The following CCZ1 variants were observed in gnomAD, a reference collection of about 807,000 sequenced individuals.
CCZ1 encodes the protein CCZ1 vacuolar protein trafficking and biogenesis associated, also known as vacuolar fusion protein CCZ1 homolog.
A neutral mutation model predicts 57.8 loss-of-function variants in CCZ1; 19 were observed. The ratio of observed to expected loss-of-function variants is 0.33; its 90% CI spans 0.23 to 0.48. The LOEUF is 0.48. Ranked by LOEUF, CCZ1 falls within the 20% of genes least tolerant of loss-of-function variation. The pLI, the probability that CCZ1 is intolerant of heterozygous loss-of-function variation, is 0.99. For missense variants in CCZ1, 200 were observed against 492.0 expected, an observed-to-expected ratio of 0.41 and a Z score of 5.61; for synonymous variants, 81 against 167.0, an observed-to-expected ratio of 0.49 and a Z score of 3.97.
chr7:5,911,765 G>A, intron 8 of CCZ1, 96 bp from the exon 9 acceptor site: 8 of 971,524 alleles, frequency 8.2e-6, no homozygotes, highest in Non-Finnish European at 1.2e-5. Flanking sequence ...AAAGACAAAT[G>A]GCATGGAACC....
intron 8 of CCZ1, 69 bp downstream of exon 8, chr7:5,910,185 G>C: frequency 1.5e-6 from 2 of 1,322,100 alleles, no homozygotes; most frequent in Non-Finnish European, 2.2e-6. Context: ...GAGTGAGATG[G>C]TGGTGCATGG....
intron 12 of CCZ1, among the ~76,000 whole-genome samples, chr7:5,922,829 G>A (rs1274066367): frequency 3.4e-5 from 5 of 148,270 alleles, no homozygotes; most frequent in African/African-American, 1.3e-4. Context: ...CACTGTGGGA[G>A]GAACGAGGTG....
At chr7:5,911,592 G>T (rs1252495553) in intron 8 of CCZ1, among the ~76,000 whole-genome samples, 1 of 148,990 alleles carries the variant, frequency 6.7e-6, no homozygotes, top group Non-Finnish European at 1.5e-5. Flanking sequence ...ACCTCACCTG[G>T]CCAAAAATTT....
intron 12 of CCZ1, among the ~76,000 whole-genome samples, chr7:5,921,206 G>A (rs1248901103): frequency 7.5e-6 from 1 of 133,202 alleles, no homozygotes; most frequent in African/African-American, 2.8e-5. Context: ...TGGGATGACA[G>A]GCGTGAGCCA....
intron 12 of CCZ1, among the ~76,000 whole-genome samples, chr7:5,921,901 G>A (rs1213787755): frequency 1.3e-5 from 2 of 151,632 alleles, no homozygotes; most frequent in South Asian, 2.1e-4. Context: ...CGCCCAGGCT[G>A]GAGTGCAGTG....
At chr7:5,899,332 GGGGTGTGTGT>G (rs745496307) in intron 1 of CCZ1, among the ~76,000 whole-genome samples, 29,695 of 128,164 alleles carry the variant, frequency 0.23, 2,860 homozygotes, top group African/African-American at 0.27. Flanking sequence ...TTTCGGGAGG[GGGGTGTGTGT>G]GTGTGTGTGT....
rs2128613017 is a variant in CCZ1 at position 5,912,058 on chromosome 7, G to C, written c.842+136G>C. On this transcript the variant is annotated intron_variant, in intron 9 of 14. Coordinates refer to ENST00000325974, the MANE Select transcript of CCZ1 (RefSeq NM_015622.6). ...AACCTCCGCCTCCCCGGGCTCAAGT[G>C]ACTGTCATGCCTCAGCCTCCCAAGT... The C allele has an allele frequency of 1.9e-6, 3 of 1,567,204 alleles. No homozygotes were observed. The East Asian group carries it at 6.9e-5, about 36-fold the overall frequency.
chr7:5,901,555 C>A lies in CCZ1; in HGVS notation c.391-102C>A, dbSNP rs570542223. 6.3e-5 allele frequency: 92 copies of A among 1,457,038 alleles called. 20 individuals are homozygous for A. In the East Asian group the frequency reaches 2.4e-3, roughly 39 times the overall value. 90.3% of individuals were successfully genotyped at this position (1,457,038 alleles called of 1,614,324 possible). ...ACTATTGTGGGACAAAGTTTATAAA[C>A]ATTATACTGTTTGGCCAAGAGTTAG... On this transcript the variant is annotated intron_variant, in intron 4 of 14. Coordinates refer to ENST00000325974, the MANE Select transcript of CCZ1 (RefSeq NM_015622.6).
At chr7:5,899,873 G>C (rs888909867) in intron 1 of CCZ1, among the ~76,000 whole-genome samples, 1 of 149,976 alleles carries the variant, frequency 6.7e-6, no homozygotes, top group African/African-American at 2.5e-5. Flanking sequence ...TTTCTTACAA[G>C]CATTGGTGTA....
intron 8 of CCZ1, among the ~76,000 whole-genome samples, chr7:5,910,572 C>T (rs1781946220): frequency 6.9e-6 from 1 of 144,810 alleles, no homozygotes; most frequent in Non-Finnish European, 1.5e-5. Flanking sequence ...GTGATCTGCC[C>T]ACCTTGGCCT....
At chr7:5,899,121 C>G (rs1217457771) in intron 1 of CCZ1, among the ~76,000 whole-genome samples, 1 of 82,590 alleles carries the variant, frequency 1.2e-5, no homozygotes, top group Non-Finnish European at 2.5e-5. Context: ...CCCGTCGGGT[C>G]TATATCACTC....
chr7:5,916,574 TCTC>T (rs1410349219), intron 10 of CCZ1, among the ~76,000 whole-genome samples: 2 of 143,858 alleles, frequency 1.4e-5, no homozygotes, highest in African/African-American at 5.6e-5. Flanking sequence ...CCGGCTGTCC[TCTC>T]CCGTTGGGGT....
At chr7:5,907,658 T>C (rs1781865291) in intron 7 of CCZ1, among the ~76,000 whole-genome samples, 1 of 146,012 alleles carries the variant, frequency 6.8e-6, no homozygotes, top group Non-Finnish European at 1.5e-5. Flanking sequence ...CGCCCAGCTC[T>C]GGGGATCCTG....
intron 12 of CCZ1, among the ~76,000 whole-genome samples, chr7:5,921,189 A>C (rs1779235520): frequency 7.5e-6 from 1 of 132,774 alleles, no homozygotes; most frequent in Non-Finnish European, 1.7e-5. Context: ...TCGGCCTCCC[A>C]AAGTGCTGGG....
At chr7:5,922,234 C>CCAAA (rs1194938808) in intron 12 of CCZ1, among the ~76,000 whole-genome samples, 1 of 115,046 alleles carries the variant, frequency 8.7e-6, no homozygotes, top group African/African-American at 3.3e-5. Context: ...ACAACTCTTT[C>CCAAA]CAAACAGTTT....
chr7:5,900,819 A>G lies in CCZ1; in HGVS notation c.313-36A>G, dbSNP rs371704433. 7.4e-5 allele frequency: 103 copies of G among 1,396,060 alleles called. 4 individuals carry two copies. In the African/African-American group the frequency reaches 1.5e-3, roughly 20 times the overall value. The allele number at this position is 1,396,060 out of a possible 1,614,324, so 86.5% of individuals were successfully genotyped here. A position where few individuals can be genotyped will look rare whatever the true frequency, so the allele number is the denominator to read the frequency against. On this transcript the variant is annotated intron_variant, in intron 3 of 14. Coordinates refer to ENST00000325974, the MANE Select transcript of CCZ1 (RefSeq NM_015622.6). ...AGGCAAAATAAACATGGTCTAATGA[A>G]TTCATTGTATAATTTCAGTTTATCA...
Position 5,906,319 on chromosome 7 carries a change from CTTTCTTTT to C in CCZ1, c.698+1054_698+1061del, listed in dbSNP as rs771131661. 6.0e-3 allele frequency among the ~76,000 whole-genome samples: 673 copies of C among 111,488 alleles called. 25 individuals are homozygous for C. The highest frequency in any genetic ancestry group is 0.027 in the Middle Eastern group (6 of 224). 73.1% of individuals were successfully genotyped at this position (111,488 alleles called of 152,430 possible). A position where few individuals can be genotyped will look rare whatever the true frequency, so the allele number is the denominator to read the frequency against. On this transcript the variant is annotated intron_variant, in intron 7 of 14. Coordinates refer to ENST00000325974, the MANE Select transcript of CCZ1 (RefSeq NM_015622.6). ...CCGTTGACTAGAGCCCACTTTCTTT[CTTTCTTTT>C]TTTTTTTTTTTTTTGAGACGGAGTC...
chr7:5,911,303 T>C (rs4724754), intron 8 of CCZ1, among the ~76,000 whole-genome samples: 80,184 of 147,606 alleles, frequency 0.54, 22,741 homozygotes, highest in East Asian at 0.82. Context: ...CTCTCTTCGC[T>C]TGTTCGTTCC....
chr7:5,899,329 AGGG>A (rs879316596), intron 1 of CCZ1, among the ~76,000 whole-genome samples: 1 of 62,894 alleles, frequency 1.6e-5, no homozygotes, highest in Non-Finnish European at 3.5e-5. Context: ...TAATTTCGGG[AGGG>A]GGGTGTGTGT....
Sources: allele counts gnomAD v4.1 joint callset (sites outside exome capture counted in the v4.1 genomes callset), GRCh38; gene constraint gnomAD v4.1.1; transcripts MANE v1.5; gene names NCBI Gene and HGNC (gene_info 2026-07-23, HGNC 2026-07-21).